Variants in USP47 observed in about 807,000 individuals in gnomAD.
USP47 encodes ubiquitin specific peptidase 47, also known as ubiquitin carboxyl-terminal hydrolase 47.
A neutral mutation model predicts 165.1 loss-of-function variants in USP47; 35 were observed. The observed-to-expected ratio is 0.21, with a 90% CI of 0.16 to 0.28. The LOEUF (loss-of-function observed/expected upper bound fraction) is 0.28. Among genes scored for constraint, USP47 ranks in the 10% least tolerant of loss-of-function variants. The pLI, the probability that USP47 is intolerant of heterozygous loss-of-function variation, is 1.00. For synonymous variants in USP47, 531 were observed against 544.5 expected, an observed-to-expected ratio of 0.98 and a Z score of 0.35; for missense variants, 1,277 against 1,607.4, an observed-to-expected ratio of 0.79 and a Z score of 3.52.
chr11:11,871,527 AAAAAAAAAAAAG>A (rs1448628111), intron 1 of USP47, among the ~76,000 whole-genome samples: 6,803 of 113,320 alleles, frequency 0.06, 475 homozygotes, highest in Middle Eastern at 0.2. Context: ...AAAAAAAAAA[AAAAAAAAAAAAG>A]AATTCTGGTT....
At chr11:11,871,269 C>T (rs11022069) in intron 1 of USP47, among the ~76,000 whole-genome samples, 1,768 of 151,648 alleles carry the variant, frequency 0.012, 24 homozygotes, top group Non-Finnish European at 0.019. Context: ...TTTGGGAGGC[C>T]GAGGCGGATA....
chr11:11,954,634 T>C (rs1856445101), intron 25 of USP47, among the ~76,000 whole-genome samples: 1 of 152,196 alleles, frequency 6.6e-6, no homozygotes, highest in South Asian at 2.1e-4. Flanking sequence ...AATTATTATA[T>C]AGAGATATTA....
chr11:11,889,890 G>GA (rs1318718295), intron 3 of USP47, among the ~76,000 whole-genome samples: 1 of 152,078 alleles, frequency 6.6e-6, no homozygotes, highest in African/African-American at 2.4e-5. Context: ...AGAGAACTCA[G>GA]AAATAAGACC....
chr11:11,869,553 C>T (rs1394382347), intron 1 of USP47, among the ~76,000 whole-genome samples: 1 of 152,046 alleles, frequency 6.6e-6, no homozygotes, highest in East Asian at 1.9e-4. Flanking sequence ...CACTTTATTC[C>T]TTTTCAATAT....
chr11:11,873,997 T>G (rs1850234952), intron 1 of USP47: 1 of 463,482 alleles, frequency 2.2e-6, no homozygotes, highest in Non-Finnish European at 3.5e-6. Context: ...ATTTTAATAA[T>G]AAAAAAGTCA....
chr11:11,857,219 A>G (rs1849099474), intron 1 of USP47, among the ~76,000 whole-genome samples: 1 of 152,132 alleles, frequency 6.6e-6, no homozygotes, highest in Non-Finnish European at 1.5e-5. Flanking sequence ...CAATGAATTT[A>G]TATACATTTC....
At chr11:11,898,309 AAC>A (rs1460952731) in intron 5 of USP47, among the ~76,000 whole-genome samples, 3 of 152,174 alleles carry the variant, frequency 2.0e-5, no homozygotes, top group African/African-American at 4.8e-5. Flanking sequence ...CTTTAAGATA[AAC>A]ACATAATTTT....
In USP47 at chr11:11,960,850, C is replaced by T. The variant is rs1847421353; in HGVS notation, c.*4675C>T. Among the ~76,000 whole-genome samples, 1 of 152,144 alleles carries T rather than the reference C, an allele frequency of 6.6e-6. No individual in the cohort carries two copies. Among genetic ancestry groups the T allele is most frequent in the Admixed American group, 6.5e-5 (1 of 15,272 alleles). The stretch of plus-strand genomic sequence containing the variant: ...AGAGGATGTGCAGACCACAGGAATA[C>T]CTAATGCCTTTTTTCTCTTCCTGTC... On this transcript the variant is annotated 3_prime_UTR_variant, in exon 28 of 28. Coordinates refer to ENST00000527733, the MANE Select transcript of USP47 (RefSeq NM_001282659.2).
rs1445267758 is a variant in USP47 at position 11,853,961 on chromosome 11, CTAAAATAAAA to C, written c.39+11748_39+11757del. Among the ~76,000 whole-genome samples, 5 of 151,822 alleles carry C rather than the reference CTAAAATAAAA, an allele frequency of 3.3e-5. No homozygotes were observed. In the South Asian group the frequency reaches 1.0e-3, roughly 32 times the overall value. ...CTAACACAGTGAAACCCCGTCTCTA[CTAAAATAAAA>C]TAAAATAAAAAAAATTAGCCGGGTG... On this transcript the variant is annotated intron_variant, in intron 1 of 27. Transcript: ENST00000527733.
At chr11:11,919,933 A>G (rs957974615) in intron 8 of USP47, among the ~76,000 whole-genome samples, 1 of 151,858 alleles carries the variant, frequency 6.6e-6, no homozygotes, top group African/African-American at 2.4e-5. Flanking sequence ...ATACTGCAAT[A>G]CTAAGAAAGG....
intron 8 of USP47, among the ~76,000 whole-genome samples, chr11:11,905,865 C>A (rs895328774): frequency 6.6e-6 from 1 of 150,386 alleles, no homozygotes; most frequent in Non-Finnish European, 1.5e-5. Context: ...TTTATAAATG[C>A]TGTTATTGTG....
intron 1 of USP47, among the ~76,000 whole-genome samples, chr11:11,866,220 A>G (rs960517712): frequency 7.2e-5 from 11 of 152,168 alleles, no homozygotes; most frequent in Non-Finnish European, 1.0e-4. Flanking sequence ...CCTTTGTTAA[A>G]GAGAAAATAA....
chr11:11,937,848 T>G (rs980025228), intron 17 of USP47, among the ~76,000 whole-genome samples: 1 of 151,980 alleles, frequency 6.6e-6, no homozygotes, highest in Non-Finnish European at 1.5e-5. Context: ...AGATCATTTA[T>G]TTTTCAAGTG....
rs948249263 is a variant in USP47 at position 11,943,391 on chromosome 11, A to T, written c.3091+279A>T. The T allele has an allele frequency of 4.6e-5, 10 of 219,554 alleles. No individual in the cohort carries two copies. In the East Asian group the frequency reaches 8.4e-4, roughly 18 times the overall value. The allele number at this position is 219,554 out of a possible 1,614,324, so 13.6% of individuals were successfully genotyped here. On this transcript the variant is annotated intron_variant, in intron 20 of 27. Transcript: ENST00000527733. Reference sequence around the variant, plus strand: ...ATTACTAAGTAAAAAATTAGGGAATATATTAAAAAGTAAATAATATTTTTT... The same window carrying T: ...ATTACTAAGTAAAAAATTAGGGAATTTATTAAAAAGTAAATAATATTTTTT...
chr11:11,884,496 A>G lies in USP47; in HGVS notation c.273A>G (p.Ser91=), dbSNP rs780272160. 1 of 1,609,900 alleles carries G rather than the reference A, an allele frequency of 6.2e-7. No individual in the cohort carries two copies. The highest frequency in any genetic ancestry group is 1.1e-5 in the South Asian group (1 of 89,932). Residue 91 remains serine, a synonymous_variant, in exon 3 of 28, where the codon TCA becomes TCG. Transcript: ENST00000527733. ...MAPLDHTSDK[S]LLDANFEPGK... ...CACTGGATCATACCAGTGACAAGTC[A>G]CTTCTCGACGCTAATTTTGAGCCAG...
intron 19 of USP47, 60 bp from the exon 20 acceptor site, chr11:11,942,275 G>A (rs1288321076): frequency 2.2e-5 from 33 of 1,477,432 alleles, no homozygotes; most frequent in Admixed American, 2.3e-5. Context: ...ATATAATGAT[G>A]ATGATGAATG....
intron 1 of USP47, among the ~76,000 whole-genome samples, chr11:11,865,648 C>T (rs536901286): frequency 6.6e-6 from 1 of 152,144 alleles, no homozygotes; most frequent in South Asian, 2.1e-4. Flanking sequence ...TTCCAGTTTC[C>T]CCACATCCTT....
At chr11:11,871,015 T>C (rs911949273) in intron 1 of USP47, among the ~76,000 whole-genome samples, 1 of 152,174 alleles carries the variant, frequency 6.6e-6, no homozygotes, top group East Asian at 1.9e-4. Flanking sequence ...TTCCTGTAGA[T>C]ATTCTTGAGT....
chr11:11,860,002 G>A (rs985562633), intron 1 of USP47, among the ~76,000 whole-genome samples: 54 of 151,706 alleles, frequency 3.6e-4, no homozygotes, highest in African/African-American at 1.2e-3. Context: ...TACTTGGGAG[G>A]CTGAGACAGA....
Sources: gnomAD v4.1 joint callset for allele counts (sites outside exome capture counted in the v4.1 genomes callset) on GRCh38, gnomAD v4.1.1 for gene constraint, MANE v1.5 for transcripts, NCBI Gene and HGNC (gene_info 2026-07-23, HGNC 2026-07-21) for gene names.